The following CSMD1 variants were observed in gnomAD, a reference collection of about 807,000 sequenced individuals.
CSMD1 encodes the protein CUB and sushi domain-containing protein 1.
In CSMD1, 213 loss-of-function variants were observed where a neutral mutation model predicts 417.5. The observed-to-expected ratio is 0.51, with a 90% CI of 0.46 to 0.57. The LOEUF is 0.57. Among genes scored for constraint, CSMD1 ranks in the 20% least tolerant of loss-of-function variants. The pLI, the probability that CSMD1 is intolerant of heterozygous loss-of-function variation, is 0.00. For synonymous variants in CSMD1, 2,862 were observed against 1,736.8 expected (o/e 1.65, Z -16.11); for missense variants, 6,923 against 4,529.7 (o/e 1.53, Z -15.17).
chr8:4,491,660 G>A (rs1421109091), intron 2 of CSMD1, among the ~76,000 whole-genome samples: 1 of 152,112 alleles, frequency 6.6e-6, no homozygotes, highest in Non-Finnish European at 1.5e-5. Context: ...CATGTCCTTA[G>A]AACATGAGAC....
At chr8:4,082,983 A>G (rs1000277129) in intron 3 of CSMD1, among the ~76,000 whole-genome samples, 17 of 151,846 alleles carry the variant, frequency 1.1e-4, no homozygotes, top group African/African-American at 3.9e-4. Flanking sequence ...CATGGTGTAT[A>G]TGTGCCACAT....
intron 2 of CSMD1, among the ~76,000 whole-genome samples, chr8:4,435,828 G>T (rs987973365): frequency 5.3e-5 from 8 of 152,278 alleles, no homozygotes; most frequent in African/African-American, 1.9e-4. Flanking sequence ...TTCAGGGCAG[G>T]GTGTGTGACT....
chr8:3,865,458 G>A (rs577128936), intron 5 of CSMD1, among the ~76,000 whole-genome samples: 1 of 152,066 alleles, frequency 6.6e-6, no homozygotes, highest in African/African-American at 2.4e-5. Context: ...AGTCACAGGT[G>A]CTCTTCAGAG....
intron 5 of CSMD1, among the ~76,000 whole-genome samples, chr8:3,908,509 C>G (rs2688310): frequency 0.028 from 4,225 of 152,094 alleles, 196 homozygotes; most frequent in African/African-American, 0.097. Context: ...AAAAACAAAA[C>G]AAAACAAAAC....
intron 10 of CSMD1, among the ~76,000 whole-genome samples, chr8:3,562,435 C>CATGAACACACAA (rs1563156327): frequency 8.3e-6 from 1 of 121,050 alleles, no homozygotes; most frequent in African/African-American, 2.6e-5. Flanking sequence ...TGCACACACA[C>CATGAACACACAA]GTGCACATAC....
intron 3 of CSMD1, among the ~76,000 whole-genome samples, chr8:4,201,902 C>T (rs2076521989): frequency 7.0e-6 from 1 of 143,306 alleles, no homozygotes; most frequent in Non-Finnish European, 1.5e-5. Context: ...GGGGGGGGCG[C>T]TGCATTCATT....
chr8:4,392,588 G>C (rs915234555), intron 3 of CSMD1, among the ~76,000 whole-genome samples: 2 of 151,886 alleles, frequency 1.3e-5, no homozygotes, highest in Non-Finnish European at 2.9e-5. Context: ...GCTTTCATCT[G>C]AATTTGCTAT....
intron 3 of CSMD1, among the ~76,000 whole-genome samples, chr8:4,034,986 C>T (rs745431217): frequency 2.5e-4 from 38 of 152,240 alleles, no homozygotes; most frequent in African/African-American, 8.2e-4. Flanking sequence ...CTCTTCTATA[C>T]GTTTTTTCTG....
Position 3,483,277 on chromosome 8 carries a change from A to G in CSMD1, c.1448+10346T>C, listed in dbSNP as rs191802636. Among the ~76,000 whole-genome samples the G allele has an allele frequency of 5.4e-4, 82 of 152,222 alleles. 1 individual carries two copies. The highest frequency in any genetic ancestry group is 2.2e-3 in the Admixed American group (34 of 15,302). On this transcript the variant is annotated intron_variant, in intron 11 of 69. Transcript: ENST00000635120. ...GAGAGAGATAGAAGGGAACAATTAC[A>G]AATACCAGAAATAAAATAGAGGCTA...
chr8:4,372,177 T>G (rs1554449605), intron 3 of CSMD1, among the ~76,000 whole-genome samples: 1 of 152,198 alleles, frequency 6.6e-6, no homozygotes, highest in Admixed American at 6.5e-5. Flanking sequence ...CAAAAAGAGA[T>G]ATTTTTTTGT....
At chr8:3,787,686 G>T (rs553707155) in intron 5 of CSMD1, among the ~76,000 whole-genome samples, 10 of 152,238 alleles carry the variant, frequency 6.6e-5, no homozygotes, top group African/African-American at 2.2e-4. Flanking sequence ...ACAAATTATT[G>T]TAAGTTTTCA....
At chr8:3,888,622 C>G (rs193302700) in intron 5 of CSMD1, among the ~76,000 whole-genome samples, 1 of 152,198 alleles carries the variant, frequency 6.6e-6, no homozygotes, top group East Asian at 1.9e-4. Flanking sequence ...CTTTGTCATA[C>G]AAGCAAGGTC....
Position 3,388,467 on chromosome 8 carries a change from T to G in CSMD1, c.2594-785A>C, listed in dbSNP as rs530501806. 4.6e-5 allele frequency among the ~76,000 whole-genome samples: 7 copies of G among 152,338 alleles called. No homozygotes were observed. In the South Asian group the frequency reaches 1.4e-3, roughly 32 times the overall value. On this transcript the variant is annotated intron_variant, in intron 17 of 69. Transcript: ENST00000635120. ...CGAAGAAATAAAAAATCCTTGTTAT[T>G]GCTGTGTCATCCTCTCAGTAAACAT...
chr8:2,936,228 T>C lies in CSMD1; in HGVS notation c.*2357A>G, dbSNP rs887320254. On this transcript the variant is annotated 3_prime_UTR_variant, in exon 70 of 70. Coordinates refer to ENST00000635120, the MANE Select transcript of CSMD1 (RefSeq NM_033225.6). ...CTAATTTGATATGTGGTTTCTTGTATGTATGTATGTCCTGTCATTTCAGGA... is the reference window on the plus strand; with the variant it reads ...CTAATTTGATATGTGGTTTCTTGTACGTATGTATGTCCTGTCATTTCAGGA... 3.3e-5 allele frequency: 5 copies of C among 151,962 alleles called. No homozygotes were observed. Among genetic ancestry groups the C allele is most frequent in the African/African-American group, 7.3e-5 (3 of 41,332 alleles). The allele number at this position is 151,962 out of a possible 1,614,324, so 9.4% of individuals were successfully genotyped here.
chr8:4,162,056 C>G (rs942293771), intron 3 of CSMD1, among the ~76,000 whole-genome samples: 3 of 152,166 alleles, frequency 2.0e-5, no homozygotes, highest in African/African-American at 7.2e-5. Context: ...CCCTTAATGT[C>G]AACCTTGATA....
intron 2 of CSMD1, among the ~76,000 whole-genome samples, chr8:4,583,853 G>T (rs1799569616): frequency 1.3e-5 from 2 of 152,046 alleles, no homozygotes; most frequent in Non-Finnish European, 2.9e-5. Context: ...CCACACTGTG[G>T]AAGCTTTGTT....
intron 1 of CSMD1, among the ~76,000 whole-genome samples, chr8:4,922,809 A>G (rs1284409882): frequency 6.6e-6 from 1 of 152,314 alleles, no homozygotes; most frequent in East Asian, 1.9e-4. Context: ...GTTTCCTTCT[A>G]CACAGGGAAA....
At chr8:3,488,134 G>T (rs888528845) in intron 11 of CSMD1, among the ~76,000 whole-genome samples, 1 of 139,676 alleles carries the variant, frequency 7.2e-6, no homozygotes, top group African/African-American at 2.7e-5. Flanking sequence ...ATAGTGTCTT[G>T]CTCTGTTGCT....
At chr8:3,018,224 G>A (rs1809028116) in intron 52 of CSMD1, among the ~76,000 whole-genome samples, 1 of 152,136 alleles carries the variant, frequency 6.6e-6, no homozygotes, top group Non-Finnish European at 1.5e-5. Context: ...GCATTTGAGT[G>A]CAGGTACATT....
Sources: allele counts gnomAD v4.1 joint callset (sites outside exome capture counted in the v4.1 genomes callset), GRCh38; gene constraint gnomAD v4.1.1; transcripts MANE v1.5; gene names NCBI Gene and HGNC (gene_info 2026-07-23, HGNC 2026-07-21).